TMEM51: variants seen among roughly 807,000 people sequenced by gnomAD.
TMEM51 encodes chromosome 1 open reading frame 72.
In TMEM51, 8 loss-of-function variants were observed where a neutral mutation model predicts 13.6. That is an observed-to-expected ratio of 0.59 (90% confidence interval 0.35 to 1.07). The LOEUF (loss-of-function observed/expected upper bound fraction) is 1.07. TMEM51 is among the 50% of genes least tolerant of loss of function. The pLI, the probability that TMEM51 is intolerant of heterozygous loss-of-function variation, is 0.02. For missense variants in TMEM51, 279 were observed against 330.7 expected, an observed-to-expected ratio of 0.84 and a Z score of 1.21; for synonymous variants, 147 against 144.4, an observed-to-expected ratio of 1.02 and a Z score of -0.13.
At chr1:15,196,643 T>A (rs900095997) in intron 1 of TMEM51, among the ~76,000 whole-genome samples, 1 of 152,224 alleles carries the variant, frequency 6.6e-6, no homozygotes, top group Non-Finnish European at 1.5e-5. Flanking sequence ...CATGAACTAT[T>A]GTACCCAGCC....
chr1:15,188,599 G>A (rs72642315), intron 1 of TMEM51, among the ~76,000 whole-genome samples: 24,820 of 152,302 alleles, frequency 0.16, 2,117 homozygotes, highest in Non-Finnish European at 0.19. Context: ...CAGAAAGACA[G>A]TAGCATTCTA....
chr1:15,196,779 A>T (rs1254919499), intron 1 of TMEM51, among the ~76,000 whole-genome samples: 1 of 152,254 alleles, frequency 6.6e-6, no homozygotes, highest in Non-Finnish European at 1.5e-5. Flanking sequence ...AAGTATGTGC[A>T]TTAAACAACA....
chr1:15,180,047 C>T (rs1643567697), intron 1 of TMEM51, among the ~76,000 whole-genome samples: 1 of 152,176 alleles, frequency 6.6e-6, no homozygotes, highest in African/African-American at 2.4e-5. Flanking sequence ...ATGCCTCCGC[C>T]CCAGCCCTGG....
intron 1 of TMEM51, among the ~76,000 whole-genome samples, chr1:15,184,724 C>G (rs1643719414): frequency 1.3e-5 from 2 of 152,032 alleles, no homozygotes; most frequent in Admixed American, 1.3e-4. Context: ...TTAAATAAAG[C>G]CATCCATCAT....
rs59346950 is a variant in TMEM51 at position 15,189,213 on chromosome 1, C to CTTTTTTTTTTTTTTTTTTTTTT, written c.-266-21276_-266-21255dup. Among the ~76,000 whole-genome samples the CTTTTTTTTTTTTTTTTTTTTTT allele has an allele frequency of 6.9e-4, 64 of 92,850 alleles. 6 individuals carry two copies. The highest frequency in any genetic ancestry group is 9.9e-4 in the Non-Finnish European group (46 of 46,598). The allele number at this position is 92,850 out of a possible 152,430, so 60.9% of individuals were successfully genotyped here. ...CTTCACCACACCCAGCTAATTTTTC[C>CTTTTTTTTTTTTTTTTTTTTTT]TTTTTTTTTTTTTTTTTTTTTTAGT... On this transcript the variant is annotated intron_variant, in intron 1 of 3. Transcript: ENST00000376008.
rs143844799 is a variant in TMEM51 at position 15,215,387 on chromosome 1, C to A, written c.300C>A (p.Val100=). Reference sequence around the variant, plus strand: ...GGCAGGGCGAGGACCTGGCCCATGTCCAGCACCCGACAGGCGCTGGGCCTC... The same window carrying A: ...GGCAGGGCGAGGACCTGGCCCATGTACAGCACCCGACAGGCGCTGGGCCTC... ...KQRQGEDLAH[V]QHPTGAGPHA... is the part of the protein sequence containing the mutation. The change falls in exon 3 of 4, where the codon GTC becomes GTA. Residue 100 remains valine, a synonymous_variant. Coordinates refer to ENST00000376008, the MANE Select transcript of TMEM51 (RefSeq NM_001136218.2). The A allele has an allele frequency of 1.2e-3, 1,942 of 1,607,398 alleles. 41 individuals are homozygous for A. The highest frequency in any genetic ancestry group is 1.0e-4 in the Non-Finnish European group (118 of 1,178,988).
At chr1:15,197,451 G>T (rs1644071432) in intron 1 of TMEM51, among the ~76,000 whole-genome samples, 1 of 152,100 alleles carries the variant, frequency 6.6e-6, no homozygotes, top group Admixed American at 6.5e-5. Context: ...TGTGACCTTT[G>T]GACCCTGCGT....
chr1:15,168,552 G>A, intron 1 of TMEM51: 3 of 1,304,836 alleles, frequency 2.3e-6, no homozygotes, highest in Non-Finnish European at 3.0e-6. Flanking sequence ...TAACAGCATA[G>A]GCTGTTTTGT....
intron 1 of TMEM51, among the ~76,000 whole-genome samples, chr1:15,166,335 C>T (rs988204921): frequency 2.0e-5 from 3 of 152,062 alleles, no homozygotes; most frequent in East Asian, 1.9e-4. Flanking sequence ...CTTCAAACTT[C>T]GAGTATCTGG....
chr1:15,200,972 G>C (rs2100310947), intron 1 of TMEM51, among the ~76,000 whole-genome samples: 1 of 152,322 alleles, frequency 6.6e-6, no homozygotes, highest in South Asian at 2.1e-4. Flanking sequence ...GCACCAGGCA[G>C]TGGAGTGTGC....
intron 1 of TMEM51, among the ~76,000 whole-genome samples, chr1:15,167,200 G>A (rs577602330): frequency 1.4e-3 from 211 of 151,902 alleles, no homozygotes; most frequent in African/African-American, 4.7e-3. Flanking sequence ...GGTGGCGGGC[G>A]CCTGTAGTCC....
Position 15,215,204 on chromosome 1 carries a change from G to A in TMEM51, c.117G>A (p.Ala39=), listed in dbSNP as rs755045793. 36 of 1,614,098 alleles carry A rather than the reference G, an allele frequency of 2.2e-5. No individual in the cohort carries two copies. The Admixed American group carries it at 5.0e-4, about 22-fold the overall frequency. The change falls in exon 3 of 4, where the codon GCG becomes GCA. Residue 39 remains alanine (A), a synonymous_variant. Transcript: ENST00000376008. ...GGAACCTGGTACCCGGCTTCAGCGC[G>A]GCCGAGAAGCCAACAGCTCAGGGCA... ...AMWNLVPGFS[A]AEKPTAQGSN...
rs3078881 is a variant in TMEM51 at position 15,193,575 on chromosome 1, C to CTTTTTTTTTTTTTT, written c.-266-16908_-266-16895dup. On this transcript the variant is annotated intron_variant, in intron 1 of 3. Coordinates refer to ENST00000376008, the MANE Select transcript of TMEM51 (RefSeq NM_001136218.2). The stretch of plus-strand genomic sequence containing the variant: ...CATTTTCTTTTTCTTTTCTTTCTTT[C>CTTTTTTTTTTTTTT]TTTTTTTTTTTTTTTTTTTTGAGAC... Among the ~76,000 whole-genome samples, 20 of 114,656 alleles carry CTTTTTTTTTTTTTT rather than the reference C, an allele frequency of 1.7e-4. 1 individual carries two copies. Among genetic ancestry groups the CTTTTTTTTTTTTTT allele is most frequent in the African/African-American group, 4.3e-4 (12 of 28,082 alleles). The allele number at this position is 114,656 out of a possible 152,430, so 75.2% of individuals were successfully genotyped here.
chr1:15,193,570 T>A (rs1006688942), intron 1 of TMEM51, among the ~76,000 whole-genome samples: 1 of 78,166 alleles, frequency 1.3e-5, no homozygotes, highest in South Asian at 5.2e-4. Flanking sequence ...TTCTTTTCTT[T>A]CTTTCTTTTT....
intron 1 of TMEM51, among the ~76,000 whole-genome samples, chr1:15,196,160 C>T (rs747901862): frequency 1.3e-5 from 2 of 152,228 alleles, no homozygotes; most frequent in African/African-American, 4.8e-5. Context: ...CAGACTGCTG[C>T]AGTGGACAGC....
intron 1 of TMEM51, among the ~76,000 whole-genome samples, chr1:15,186,844 T>A (rs182389732): frequency 5.3e-5 from 8 of 152,178 alleles, no homozygotes; most frequent in African/African-American, 7.2e-5. Flanking sequence ...GGGAGGCCTT[T>A]GCAGTCTGTA....
chr1:15,159,931 C>A (rs1642719545), intron 1 of TMEM51, among the ~76,000 whole-genome samples: 1 of 152,192 alleles, frequency 6.6e-6, no homozygotes, highest in South Asian at 2.1e-4. Flanking sequence ...AGCCCAGGGT[C>A]ACCAAATCCT....
chr1:15,187,518 G>A (rs1196879105), intron 1 of TMEM51, among the ~76,000 whole-genome samples: 1 of 152,154 alleles, frequency 6.6e-6, no homozygotes, highest in African/African-American at 2.4e-5. Context: ...GGAGCCCCAG[G>A]GGCTGTCTGC....
In TMEM51 at chr1:15,207,071, C is replaced by T. The variant is rs1157306066; in HGVS notation, c.-266-3419C>T. ...TGGGCTGAAACTTGGCAGAGAGAGC[C>T]CCACTGAATTCCTCCTTTGTGATGT... is the stretch of plus-strand genomic sequence containing the variant. On this transcript the variant is annotated intron_variant, in intron 1 of 3. Transcript: ENST00000376008. This position sits in a 1 kb window ranked among gnomAD's most constrained non-coding sequence, Gnocchi z 4.6. Among the ~76,000 whole-genome samples, 1 of 152,224 alleles carries T rather than the reference C, an allele frequency of 6.6e-6. No homozygotes were observed. The highest frequency in any genetic ancestry group is 1.5e-5 in the Non-Finnish European group (1 of 68,042).
Sources: gnomAD v4.1 joint callset for allele counts (sites outside exome capture counted in the v4.1 genomes callset) on GRCh38, gnomAD v4.1.1 for gene constraint, Gnocchi (gnomAD v3.1) non-coding constraint, MANE v1.5 for transcripts, NCBI Gene and HGNC (gene_info 2026-07-23, HGNC 2026-07-21) for gene names.